COL23A1: variants seen among roughly 807,000 people sequenced by gnomAD.
COL23A1 encodes collagen alpha-1(XXIII) chain.
A neutral mutation model predicts 99.3 loss-of-function variants in COL23A1; 97 were observed. That is an observed-to-expected ratio of 0.98 (90% confidence interval 0.83 to 1.16). The LOEUF (loss-of-function observed/expected upper bound fraction) is 1.16. COL23A1 is among the 50% of genes most tolerant of loss of function. COL23A1 has a pLI of 0.00. For missense variants in COL23A1, 762 were observed against 757.4 expected (o/e 1.01, Z -0.07); for synonymous variants, 320 against 308.2 (o/e 1.04, Z -0.40).
intron 2 of COL23A1, among the ~76,000 whole-genome samples, chr5:178,519,285 C>T (rs944449576): frequency 1.3e-5 from 2 of 152,228 alleles, no homozygotes; most frequent in Non-Finnish European, 2.9e-5. Context: ...GGCCTCAGAC[C>T]GGGAGGCCAG....
chr5:178,445,357 T>A (rs1307190534), intron 2 of COL23A1, among the ~76,000 whole-genome samples: 2 of 152,222 alleles, frequency 1.3e-5, no homozygotes, highest in Non-Finnish European at 2.9e-5. Flanking sequence ...TTCACTATCA[T>A]TACTATAGCT....
chr5:178,325,957 C>T (rs539473076), intron 2 of COL23A1, among the ~76,000 whole-genome samples: 6 of 152,262 alleles, frequency 3.9e-5, no homozygotes, highest in Admixed American at 2.6e-4. Context: ...GGTGAGCCGC[C>T]GGGGTCTTTC....
chr5:178,422,370 T>C (rs1765679163), intron 2 of COL23A1, among the ~76,000 whole-genome samples: 1 of 152,174 alleles, frequency 6.6e-6, no homozygotes, highest in Admixed American at 6.5e-5. Flanking sequence ...TGCTTAACGT[T>C]AGACACGATG....
At chr5:178,435,951 G>GA (rs1211191400) in intron 2 of COL23A1, among the ~76,000 whole-genome samples, 2 of 152,226 alleles carry the variant, frequency 1.3e-5, no homozygotes, top group African/African-American at 4.8e-5. Context: ...TACAGAACAA[G>GA]AGGGAGGCAG....
At chr5:178,333,437 A>C (rs556160367) in intron 2 of COL23A1, among the ~76,000 whole-genome samples, 12 of 152,172 alleles carry the variant, frequency 7.9e-5, no homozygotes, top group Admixed American at 4.6e-4. Flanking sequence ...CCATCCCTGC[A>C]TGCAGGGACC....
At chr5:178,290,488 G>T in intron 3 of COL23A1, 119 bp from the exon 4 acceptor site, 1 of 1,293,584 alleles carries the variant, frequency 7.7e-7, no homozygotes, top group Non-Finnish European at 1.1e-6. Context: ...TCCCCGGAAG[G>T]CTTTGATGCT....
chr5:178,328,135 G>A (rs773353067), intron 2 of COL23A1, among the ~76,000 whole-genome samples: 23 of 152,230 alleles, frequency 1.5e-4, no homozygotes, highest in African/African-American at 2.9e-4. Context: ...AGGGCAGGGC[G>A]GCCCCTCTGC....
intron 2 of COL23A1, among the ~76,000 whole-genome samples, chr5:178,540,771 G>A (rs1470490732): frequency 6.6e-6 from 1 of 151,966 alleles, no homozygotes; most frequent in Non-Finnish European, 1.5e-5. Flanking sequence ...AAAAATCTCT[G>A]CAAAAGGAAG....
intron 2 of COL23A1, among the ~76,000 whole-genome samples, chr5:178,399,075 G>C (rs1026863017): frequency 7.2e-5 from 11 of 152,240 alleles, no homozygotes; most frequent in Non-Finnish European, 1.5e-5. Flanking sequence ...AGTTGCTGGG[G>C]CTGGAAGGGG....
At chr5:178,399,354 G>T (rs951314441) in intron 2 of COL23A1, among the ~76,000 whole-genome samples, 1 of 152,190 alleles carries the variant, frequency 6.6e-6, no homozygotes, top group Admixed American at 6.5e-5. Context: ...AGACAGAGAC[G>T]GAGGATCCTG....
rs556014225 is a variant in COL23A1, at chr5:178,329,614, T to A, written c.362-22695A>T. Among the ~76,000 whole-genome samples the A allele has an allele frequency of 2.2e-4, 34 of 152,270 alleles. 2 individuals are homozygous for A. In the South Asian group the frequency reaches 7.1e-3, roughly 32 times the overall value. On this transcript the variant is annotated intron_variant, in intron 2 of 28. Transcript: ENST00000390654. The stretch of plus-strand genomic sequence containing the variant: ...TCCCCTCAAGATTCTCTCTGGGCCA[T>A]CGCAGTCCACCCACACTTGGATGCA...
chr5:178,465,205 T>A (rs1037549241), intron 2 of COL23A1, among the ~76,000 whole-genome samples: 1 of 151,998 alleles, frequency 6.6e-6, no homozygotes, highest in African/African-American at 2.4e-5. Context: ...AAAACAGGGG[T>A]CGGCCTTCCA....
intron 2 of COL23A1, among the ~76,000 whole-genome samples, chr5:178,411,007 G>A (rs573906176): frequency 3.9e-5 from 6 of 152,208 alleles, no homozygotes; most frequent in African/African-American, 1.2e-4. Flanking sequence ...TTTTGCTGAA[G>A]AAGATACACA....
At chr5:178,253,773 G>A (rs998341446) in intron 16 of COL23A1, among the ~76,000 whole-genome samples, 3 of 152,000 alleles carry the variant, frequency 2.0e-5, no homozygotes, top group East Asian at 2.0e-4. Flanking sequence ...GAGCCGCCGC[G>A]CCCGGCCGTG....
chr5:178,511,134 CT>C (rs1450394687), intron 2 of COL23A1, among the ~76,000 whole-genome samples: 3 of 152,094 alleles, frequency 2.0e-5, no homozygotes, highest in African/African-American at 7.2e-5. Flanking sequence ...TTTCCCCCAA[CT>C]TTTTCATTTT....
intron 2 of COL23A1, among the ~76,000 whole-genome samples, chr5:178,336,314 A>G (rs1398908596): frequency 1.3e-5 from 2 of 152,244 alleles, no homozygotes; most frequent in East Asian, 1.9e-4. Flanking sequence ...TATTCACAAC[A>G]GCCGAAAGGC....
At chr5:178,261,824 C>T (rs934602037) in intron 10 of COL23A1, 76 bp from the exon 11 acceptor site, 2 of 1,292,910 alleles carry the variant, frequency 1.5e-6, no homozygotes, top group African/African-American at 2.9e-5. Context: ...AGCATCCTGG[C>T]TTTGTAAAAG....
chr5:178,337,178 C>T (rs967916896), intron 2 of COL23A1, among the ~76,000 whole-genome samples: 1 of 152,224 alleles, frequency 6.6e-6, no homozygotes, highest in African/African-American at 2.4e-5. Context: ...CCTCGCTCAT[C>T]TGAGAGGGGT....
chr5:178,263,086 T>G, intron 9 of COL23A1, 122 bp downstream of exon 9: 1 of 799,940 alleles, frequency 1.3e-6, no homozygotes, highest in Non-Finnish European at 2.2e-6. Context: ...AGTGTCTGGA[T>G]TAGGGTTAAG....
Sources: gnomAD v4.1 joint callset for allele counts (sites outside exome capture counted in the v4.1 genomes callset) on GRCh38, gnomAD v4.1.1 for gene constraint, MANE v1.5 for transcripts, NCBI Gene and HGNC (gene_info 2026-07-23, HGNC 2026-07-21) for gene names.